The following DSP variants were observed in gnomAD, a reference collection of about 807,000 sequenced individuals.
The protein encoded by DSP is desmoplakin, also known as 250/210 kDa paraneoplastic pemphigus antigen.
In DSP, 114 loss-of-function variants were observed where a neutral mutation model predicts 290.6. That is an observed-to-expected ratio of 0.39 (90% confidence interval 0.34 to 0.46). The LOEUF is 0.46. Among genes scored for constraint, DSP ranks in the 20% least tolerant of loss-of-function variants. The probability of loss-of-function intolerance (pLI) is 0.99; values close to 1 mark genes in which losing one functional copy is unlikely to be tolerated. For missense variants in DSP, 3,230 were observed against 3,495.8 expected (o/e 0.92, Z 1.92); for synonymous variants, 1,311 against 1,316.4 (o/e 1.00, Z 0.09).
intron 6 of DSP, 37 bp downstream of exon 6, chr6:7,563,823 G>C (rs1758776579): frequency 3.8e-6 from 6 of 1,591,796 alleles, no homozygotes; most frequent in Non-Finnish European, 5.2e-6. Context: ...TCGACTTTCT[G>C]TTGTTTCCAA....
At chr6:7,555,455 A>T (rs895101064) in intron 1 of DSP, among the ~76,000 whole-genome samples, 4 of 152,152 alleles carry the variant, frequency 2.6e-5, no homozygotes, top group Non-Finnish European at 5.9e-5. Context: ...ATATATGCTG[A>T]AATATTTGGG....
chr6:7,577,101 C>T (rs1759265206), intron 20 of DSP, 59 bp downstream of exon 20: 3 of 1,390,526 alleles, frequency 2.2e-6, no homozygotes, highest in Non-Finnish European at 3.0e-6. Flanking sequence ...AACTGCATGA[C>T]TTGCTGATTT....
chr6:7,569,303 C>T lies in DSP; in HGVS notation c.1537C>T (p.Pro513Ser). ...TGTTCCCTCTGTGGGGCTGATCATC[C>T]CTCCTCCGAACCCACTGGCCGTGGA... ...MLVPSVGLII[P>S]PPNPLAVDLS... The change falls in exon 12 of 24, where the codon CCT becomes TCT. Residue 513 changes from proline to serine, a missense_variant. By Grantham distance (74) the Pro-to-Ser change is moderately conservative. This residue lies in a region of DSP where 646 missense variants were observed against 684.3 expected (regional missense o/e 0.94). Transcript: ENST00000379802. 1.2e-6 allele frequency: 2 copies of T among 1,614,018 alleles called. No individual in the cohort carries two copies. The highest frequency in any genetic ancestry group is 1.7e-6 in the Non-Finnish European group (2 of 1,179,952).
Position 7,571,497 on chromosome 6 carries a change from C to T in DSP, c.1816C>T (p.Arg606Trp), listed in dbSNP as rs372467697. The T allele has an allele frequency of 8.7e-6, 14 of 1,614,058 alleles. No homozygotes were observed. The highest frequency in any genetic ancestry group is 4.5e-5 in the East Asian group (2 of 44,892). Residue 606 changes from arginine (R) to tryptophan (W), a missense_variant, in exon 14 of 24, where the codon CGG (arginine) becomes TGG (tryptophan). Coordinates refer to ENST00000379802, the MANE Select transcript of DSP (RefSeq NM_004415.4). ...GSEMFGDDDK[R>W]KIQSQFTDAQ... ...AGAGATGTTTGGAGATGATGACAAG[C>T]GGAAAATACAGTCTCAGTTCACCGA...
chr6:7,575,978 G>A (rs891331261), intron 18 of DSP, among the ~76,000 whole-genome samples: 17 of 152,132 alleles, frequency 1.1e-4, no homozygotes, highest in African/African-American at 4.1e-4. Flanking sequence ...TTAGTATCGT[G>A]CTTTCAGAGT....
chr6:7,569,797 G>GC (rs1422643076), intron 12 of DSP, among the ~76,000 whole-genome samples: 2 of 151,102 alleles, frequency 1.3e-5, no homozygotes, highest in African/African-American at 4.9e-5. Flanking sequence ...TCGTGCCACT[G>GC]CACTCCAGCC....
rs78652302 is a variant in DSP at position 7,582,760 on chromosome 6, A to G, written c.5498A>G (p.Glu1833Gly). The G allele has an allele frequency of 6.2e-7, 1 of 1,613,852 alleles. No homozygotes were observed. Reference protein sequence around the residue: ...EQDKARLQRLEDELNRAKSTL... With the variant: ...EQDKARLQRLGDELNRAKSTL... ...GACAAGGCAAGGCTGCAGAGGCTGG[A>G]GGATGAGCTGAATCGTGCAAAATCA... Residue 1833 changes from glutamate (E) to glycine (G), a missense_variant, in exon 24 of 24, where the codon GAG (glutamate) becomes GGG (glycine). Around this residue, in one of 5 missense-constraint regions of DSP, gnomAD observed 1,714 missense variants for 1,844.5 expected, o/e 0.93. Transcript: ENST00000379802. The surrounding 1 kb of genome is among the most constrained non-coding windows in gnomAD (Gnocchi z 4.2).
At position 7,580,049 on chromosome 6, in the gene DSP, A is replaced by G; in HGVS notation, c.3859A>G (p.Lys1287Glu). 6.2e-7 allele frequency: 1 copy of G among 1,614,084 alleles called. No homozygotes were observed. The highest frequency in any genetic ancestry group is 8.5e-7 in the Non-Finnish European group (1 of 1,180,000). Reference sequence around the variant, plus strand: ...GGCCTGTGGCTCTGAGATAATGCAGAAGAAGCAGCATCTGGAGATAGAACT... The same window carrying G: ...GGCCTGTGGCTCTGAGATAATGCAGGAGAAGCAGCATCTGGAGATAGAACT... ...QKACGSEIMQ[K>E]KQHLEIELKQ... Residue 1287 changes from lysine to glutamate, a missense_variant, in exon 23 of 24, where the codon AAG becomes GAG. By Grantham distance (56) the Lys-to-Glu change is moderately conservative. This residue lies in a region of DSP where 1,714 missense variants were observed against 1,844.5 expected (regional missense o/e 0.93). Coordinates refer to ENST00000379802, the MANE Select transcript of DSP (RefSeq NM_004415.4). This position sits in a 1 kb window ranked among gnomAD's most constrained non-coding sequence, Gnocchi z 4.2.
At chr6:7,551,740 G>A (rs1160021936) in intron 1 of DSP, among the ~76,000 whole-genome samples, 5 of 152,160 alleles carry the variant, frequency 3.3e-5, no homozygotes, top group African/African-American at 1.2e-4. Context: ...CTGACCCGAT[G>A]GGTCGAAATC....
intron 1 of DSP, among the ~76,000 whole-genome samples, chr6:7,546,542 G>T (rs1758175972): frequency 6.6e-6 from 1 of 152,116 alleles, no homozygotes; most frequent in Admixed American, 6.5e-5. Context: ...ATATTTAAAT[G>T]GCTTGCCTAA....
intron 1 of DSP, among the ~76,000 whole-genome samples, chr6:7,554,125 A>ACACACACACACACACACACAC (rs772041102): frequency 3.5e-5 from 5 of 144,404 alleles, no homozygotes; most frequent in South Asian, 2.2e-4. Context: ...ACACACACAC[A>ACACACACACACACACACACAC]CCCAGTTGGT....
chr6:7,562,851 G>T, intron 5 of DSP, 71 bp downstream of exon 5: 1 of 1,601,318 alleles, frequency 6.2e-7, no homozygotes, highest in South Asian at 1.1e-5. Context: ...CTCAATCCCA[G>T]GGAGTTTCTT....
In DSP at chr6:7,579,151, A is replaced by T. The variant is rs1759335260; in HGVS notation, c.3085-124A>T. On this transcript the variant is annotated intron_variant, in intron 22 of 23. Coordinates refer to ENST00000379802, the MANE Select transcript of DSP (RefSeq NM_004415.4). The surrounding 1 kb of genome is among the most constrained non-coding windows in gnomAD (Gnocchi z 4.1). ...GAATATTTGCCTAGTCACTCTTTGC[A>T]TGTATGTCCATGTGTGTAAAGAGAA... The T allele has an allele frequency of 3.0e-6, 4 of 1,340,608 alleles. No homozygotes were observed. The highest frequency in any genetic ancestry group is 4.1e-6 in the Non-Finnish European group (4 of 970,926). The allele number at this position is 1,340,608 out of a possible 1,614,324, so 83.0% of individuals were successfully genotyped here.
intron 12 of DSP, among the ~76,000 whole-genome samples, chr6:7,569,834 CAA>C (rs11302650): frequency 5.3e-4 from 79 of 147,768 alleles, no homozygotes; most frequent in Non-Finnish European, 6.8e-4. Flanking sequence ...AACTCCATCT[CAA>C]AAAAAAAAAA....
chr6:7,580,495 C>T lies in DSP; in HGVS notation c.4305C>T (p.Ala1435=). 6.2e-7 allele frequency: 1 copy of T among 1,614,016 alleles called. No individual in the cohort carries two copies. The highest frequency in any genetic ancestry group is 8.5e-7 in the Non-Finnish European group (1 of 1,179,996). ...RVEEDIQQQK[A]TGSEVSQRKQ... ...AAGAAGACATCCAACAGCAAAAGGC[C>T]ACTGGCTCTGAGGTGTCTCAGAGGA... Residue 1435 remains alanine (A), a synonymous_variant, in exon 23 of 24, where the codon GCC becomes GCT. Coordinates refer to ENST00000379802, the MANE Select transcript of DSP (RefSeq NM_004415.4). The surrounding 1 kb of genome is among the most constrained non-coding windows in gnomAD (Gnocchi z 4.2).
At chr6:7,548,941 G>GT (rs1758253902) in intron 1 of DSP, among the ~76,000 whole-genome samples, 1 of 152,204 alleles carries the variant, frequency 6.6e-6, no homozygotes, top group African/African-American at 2.4e-5. Flanking sequence ...GTTAGGTTAA[G>GT]TGTTTGTAGG....
intron 4 of DSP, 120 bp from the exon 5 acceptor site, chr6:7,562,532 A>G: frequency 6.4e-7 from 1 of 1,563,582 alleles, no homozygotes; most frequent in South Asian, 1.1e-5. Context: ...TCTGGCTTCA[A>G]AAATACTCCA....
chr6:7,580,102 G>C lies in DSP; in HGVS notation c.3912G>C (p.Glu1304Asp), dbSNP rs764189408. The change falls in exon 23 of 24, where the codon GAG becomes GAC. Residue 1304 changes from glutamate to aspartate, a missense_variant. This residue lies in a region of DSP where 1,714 missense variants were observed against 1,844.5 expected (regional missense o/e 0.93). Coordinates refer to ENST00000379802, the MANE Select transcript of DSP (RefSeq NM_004415.4). This position sits in a 1 kb window ranked among gnomAD's most constrained non-coding sequence, Gnocchi z 4.2. ...AGCAGGTCATGCAGCAGCGCTCTGA[G>C]GACAATGCCCGGCACAAGCAGTCCC... The part of the protein sequence containing the change: ...ELKQVMQQRS[E>D]DNARHKQSLE... 1.4e-5 allele frequency: 23 copies of C among 1,613,962 alleles called. No individual in the cohort carries two copies. Among genetic ancestry groups the C allele is most frequent in the Non-Finnish European group, 1.9e-5 (22 of 1,180,000 alleles).
intron 1 of DSP, 112 bp downstream of exon 1, chr6:7,542,197 C>T (rs1203267646): frequency 9.1e-6 from 13 of 1,425,542 alleles, no homozygotes; most frequent in Non-Finnish European, 1.1e-5. Context: ...GTTTTTTTGC[C>T]CCAGGTCCCG....
Sources: gnomAD v4.1 joint callset for allele counts (sites outside exome capture counted in the v4.1 genomes callset) on GRCh38, gnomAD v4.1.1 for gene constraint, gnomAD v4.1.1 regional missense constraint, Gnocchi (gnomAD v3.1) non-coding constraint, MANE v1.5 for transcripts, NCBI Gene and HGNC (gene_info 2026-07-23, HGNC 2026-07-21) for gene names.